Variants in ZCCHC7 observed in about 807,000 individuals in gnomAD.
ZCCHC7 encodes the protein zinc finger CCHC-type containing 7.
ZCCHC7 carries 35 observed loss-of-function variants against 52.0 expected under a neutral mutation model. The observed-to-expected ratio is 0.67, with a 90% confidence interval of 0.51 to 0.89. The LOEUF (loss-of-function observed/expected upper bound fraction) is 0.89, where lower values mean the gene tolerates loss of function less well. ZCCHC7 is among the 40% of genes least tolerant of loss of function. The pLI is 0.00. For synonymous variants in ZCCHC7, 217 were observed against 221.5 expected (o/e 0.98, Z 0.18); for missense variants, 574 against 649.1 (o/e 0.88, Z 1.26).
intron 6 of ZCCHC7, among the ~76,000 whole-genome samples, chr9:37,335,408 T>C (rs1278673221): frequency 5.3e-5 from 8 of 152,202 alleles, no homozygotes; most frequent in Non-Finnish European, 1.0e-4. Flanking sequence ...CGTCATATAC[T>C]AAATGTGCAA....
chr9:37,128,596 A>G (rs773543187), intron 2 of ZCCHC7, among the ~76,000 whole-genome samples: 64 of 152,248 alleles, frequency 4.2e-4, no homozygotes, highest in Non-Finnish European at 6.8e-4. Flanking sequence ...TAATCACAAC[A>G]TTGATATGTG....
At chr9:37,305,451 GA>G in intron 4 of ZCCHC7, 92 bp from the exon 5 acceptor site, 1 of 1,469,176 alleles carries the variant, frequency 6.8e-7, no homozygotes, top group Non-Finnish European at 9.3e-7. Context: ...TCTCAAATTA[GA>G]AAAGATTTTT....
chr9:37,136,896 C>T (rs1397166035), intron 2 of ZCCHC7, among the ~76,000 whole-genome samples: 1 of 152,028 alleles, frequency 6.6e-6, no homozygotes, highest in Non-Finnish European at 1.5e-5. Flanking sequence ...AAGTGTTGTG[C>T]TTACAGGCAT....
chr9:37,209,332 G>A (rs922141242), intron 2 of ZCCHC7, among the ~76,000 whole-genome samples: 6 of 151,976 alleles, frequency 3.9e-5, no homozygotes, highest in Non-Finnish European at 7.4e-5. Flanking sequence ...GAGCCACCAC[G>A]CCTGGCCATT....
At chr9:37,353,386 G>C (rs1299975607) in intron 7 of ZCCHC7, among the ~76,000 whole-genome samples, 1 of 152,124 alleles carries the variant, frequency 6.6e-6, no homozygotes, top group Non-Finnish European at 1.5e-5. Context: ...GTGAGACCTT[G>C]CCTCTACAAA....
At chr9:37,343,752 G>A (rs544982718) in intron 6 of ZCCHC7, among the ~76,000 whole-genome samples, 1 of 152,156 alleles carries the variant, frequency 6.6e-6, no homozygotes, top group East Asian at 1.9e-4. Context: ...CCACCTATTT[G>A]TTTGTTGAGC....
At chr9:37,194,598 G>T (rs959488278) in intron 2 of ZCCHC7, among the ~76,000 whole-genome samples, 16 of 152,178 alleles carry the variant, frequency 1.1e-4, no homozygotes, top group African/African-American at 3.9e-4. Flanking sequence ...CTTAAGTGAT[G>T]TATTGATGAT....
At chr9:37,194,947 CTTTT>C (rs1169877667) in intron 2 of ZCCHC7, among the ~76,000 whole-genome samples, 2 of 133,462 alleles carry the variant, frequency 1.5e-5, no homozygotes, top group Non-Finnish European at 1.6e-5. Context: ...TCTCTTTTTT[CTTTT>C]TTTTTTTTTT....
rs564578366 is a variant in ZCCHC7 at position 37,282,810 on chromosome 9, T to A, written c.611-19378T>A. On this transcript the variant is annotated intron_variant, in intron 2 of 8. Coordinates refer to ENST00000336755, the MANE Select transcript of ZCCHC7 (RefSeq NM_032226.3). ...TTTTGCCACTGCACTCCAGCCTGGC[T>A]CTGGCTTAAAAAAAAGGCGGGGGGA... 5.4e-5 allele frequency among the ~76,000 whole-genome samples: 8 copies of A among 149,350 alleles called. 1 individual carries two copies. The South Asian group carries it at 1.7e-3, about 32-fold the overall frequency.
chr9:37,130,360 T>A (rs1842727270), intron 2 of ZCCHC7, among the ~76,000 whole-genome samples: 2 of 143,284 alleles, frequency 1.4e-5, no homozygotes, highest in African/African-American at 5.2e-5. Flanking sequence ...TTTTTTTTTT[T>A]TTTTATAGCA....
rs1821748222 is a variant in ZCCHC7 at position 37,357,063 on chromosome 9, G to C, written c.1427G>C (p.Gly476Ala). The change falls in exon 9 of 9, where the codon GGC becomes GCC. Residue 476 changes from glycine to alanine, a missense_variant. Around this residue, in one of 3 missense-constraint regions of ZCCHC7, gnomAD observed 168 missense variants for 171.6 expected, o/e 0.98. Coordinates refer to ENST00000336755, the MANE Select transcript of ZCCHC7 (RefSeq NM_032226.3). ...HREVDEDFPR[G>A]PKTYSSPGSF... The stretch of plus-strand genomic sequence containing the variant: ...GAAGTGGATGAGGATTTTCCCAGGG[G>C]CCCCAAAACCTACTCTTCTCCTGGC... The C allele has an allele frequency of 6.2e-7, 1 of 1,613,652 alleles. No homozygotes were observed. Among genetic ancestry groups the C allele is most frequent in the Non-Finnish European group, 8.5e-7 (1 of 1,179,918 alleles).
At chr9:37,207,350 T>C (rs903189729) in intron 2 of ZCCHC7, among the ~76,000 whole-genome samples, 1 of 152,224 alleles carries the variant, frequency 6.6e-6, no homozygotes, top group Non-Finnish European at 1.5e-5. Context: ...TCATTTTTTT[T>C]CTATACGTTA....
At chr9:37,180,545 ATTTAC>A (rs1292822517) in intron 2 of ZCCHC7, among the ~76,000 whole-genome samples, 1 of 152,014 alleles carries the variant, frequency 6.6e-6, no homozygotes, top group African/African-American at 2.4e-5. Context: ...TGAATGCTGT[ATTTAC>A]TTTGGTGGAA....
At chr9:37,343,450 C>G (rs1270703153) in intron 6 of ZCCHC7, among the ~76,000 whole-genome samples, 1 of 152,096 alleles carries the variant, frequency 6.6e-6, no homozygotes, top group African/African-American at 2.4e-5. Context: ...TTTGCTCTTT[C>G]ATCTATTATC....
chr9:37,317,759 C>T (rs190827257), intron 5 of ZCCHC7, among the ~76,000 whole-genome samples: 2 of 151,932 alleles, frequency 1.3e-5, no homozygotes, highest in African/African-American at 4.8e-5. Flanking sequence ...AAAAATCAGA[C>T]CAAATACATC....
At chr9:37,266,419 C>T in intron 2 of ZCCHC7, among the ~76,000 whole-genome samples, 1 of 152,042 alleles carries the variant, frequency 6.6e-6, no homozygotes. Context: ...AAGTTCTTGA[C>T]AGGATTTGAT....
At chr9:37,128,800 G>T (rs1398479824) in intron 2 of ZCCHC7, among the ~76,000 whole-genome samples, 1 of 152,210 alleles carries the variant, frequency 6.6e-6, no homozygotes, top group African/African-American at 2.4e-5. Context: ...AACTCACTTT[G>T]AAGGATTCCA....
rs532173892 is a variant in ZCCHC7, at chr9:37,317,354, C to T, written c.952-10445C>T. Among the ~76,000 whole-genome samples the T allele has an allele frequency of 3.3e-5, 5 of 152,246 alleles. No homozygotes were observed. In the East Asian group the frequency reaches 9.6e-4, roughly 29 times the overall value. Reference sequence around the variant, plus strand: ...AGAGAAAAAAATTAGCAACAATGAACAGTGAAAGCAAGAAAGCCTGGAATA... The same window carrying T: ...AGAGAAAAAAATTAGCAACAATGAATAGTGAAAGCAAGAAAGCCTGGAATA... On this transcript the variant is annotated intron_variant, in intron 5 of 8. Transcript: ENST00000336755.
rs957531205 is a variant in ZCCHC7, at chr9:37,235,460, T to A, written c.611-66728T>A. On this transcript the variant is annotated intron_variant, in intron 2 of 8. Transcript: ENST00000336755. ...TATTCTTTCTTTTCTTTCCTTTCTTTCCTTCCTTTCCTTCCTTCCTTTCTT... is the reference window on the plus strand; with the variant it reads ...TATTCTTTCTTTTCTTTCCTTTCTTACCTTCCTTTCCTTCCTTCCTTTCTT... 2.0e-5 allele frequency among the ~76,000 whole-genome samples: 3 copies of A among 151,216 alleles called. No homozygotes were observed. The East Asian group carries it at 5.8e-4, about 29-fold the overall frequency.
Sources: gnomAD v4.1 joint callset for allele counts (sites outside exome capture counted in the v4.1 genomes callset) on GRCh38, gnomAD v4.1.1 for gene constraint, gnomAD v4.1.1 regional missense constraint, MANE v1.5 for transcripts, NCBI Gene and HGNC (gene_info 2026-07-23, HGNC 2026-07-21) for gene names.